The following PCGF3 variants were observed in gnomAD, a reference collection of about 807,000 sequenced individuals.
PCGF3 encodes the protein polycomb group ring finger 3, also known as polycomb group RING finger protein 3.
PCGF3 carries 7 observed loss-of-function variants against 33.1 expected under a neutral mutation model. That is an observed-to-expected ratio of 0.21 (90% confidence interval 0.12 to 0.40). PCGF3 has a LOEUF of 0.40. Ranked by LOEUF, PCGF3 falls within the 10% of genes least tolerant of loss-of-function variation. PCGF3 has a pLI of 1.00. For missense variants in PCGF3, 211 were observed against 313.3 expected (o/e 0.67, Z 2.46); for synonymous variants, 153 against 121.3 (o/e 1.26, Z -1.72).
intron 6 of PCGF3, among the ~76,000 whole-genome samples, chr4:741,747 T>G (rs1163782166): frequency 6.6e-6 from 1 of 152,120 alleles, no homozygotes; most frequent in Non-Finnish European, 1.5e-5. Flanking sequence ...TGACACTGAG[T>G]GCTGCTATTT....
Position 763,139 on chromosome 4 carries a change from CG to C in PCGF3, c.600+1729del, listed in dbSNP as rs756575176. 5.0e-4 allele frequency among the ~76,000 whole-genome samples: 76 copies of C among 151,460 alleles called. 1 individual carries two copies. In the South Asian group the frequency reaches 5.0e-3, roughly 10 times the overall value. On this transcript the variant is annotated intron_variant, in intron 9 of 10. Transcript: ENST00000362003. ...ATCATGGAGAAACCAAGTCAGGACA[CG>C]GGGGGAAGGGAGAGAAGGAAATGGG...
chr4:758,284 T>C (rs185262575), intron 8 of PCGF3, among the ~76,000 whole-genome samples: 3 of 151,538 alleles, frequency 2.0e-5, no homozygotes, highest in African/African-American at 7.3e-5. Flanking sequence ...GCTTCTCACT[T>C]CTTCCGCCAA....
At chr4:761,606 A>AG in intron 9 of PCGF3, 190 bp downstream of exon 9, 13 of 958,076 alleles carry the variant, frequency 1.4e-5, no homozygotes, top group Non-Finnish European at 1.6e-5. Flanking sequence ...GGATGCCCAG[A>AG]GACAGGGAAC....
At position 707,486 on chromosome 4, in the gene PCGF3, C is replaced by T. The variant is rs182090711; in HGVS notation, c.-190+1516C>T. Among the ~76,000 whole-genome samples, 102 of 144,408 alleles carry T rather than the reference C, an allele frequency of 7.1e-4. 4 individuals are homozygous for T. The East Asian group carries it at 0.018, about 26-fold the overall frequency. The allele number at this position is 144,408 out of a possible 152,430, so 94.7% of individuals were successfully genotyped here. On this transcript the variant is annotated intron_variant, in intron 1 of 10. Transcript: ENST00000362003. Reference sequence around the variant, plus strand: ...GACAGCCCTGTTTTCCCCTGGGGGCCGGGACCCTGGGACAGCCTGTTTTCA... The same window carrying T: ...GACAGCCCTGTTTTCCCCTGGGGGCTGGGACCCTGGGACAGCCTGTTTTCA...
intron 8 of PCGF3, among the ~76,000 whole-genome samples, chr4:752,156 C>T (rs1228704211): frequency 2.0e-5 from 3 of 152,228 alleles, no homozygotes; most frequent in African/African-American, 7.2e-5. Context: ...CCACACTTGA[C>T]CTTGGGAGTT....
Position 761,943 on chromosome 4 carries a change from G to A in PCGF3, c.600+527G>A, listed in dbSNP as rs1256425571. On this transcript the variant is annotated intron_variant, in intron 9 of 10. Transcript: ENST00000362003. ...GAGACAGAAGGCGCTGGCGGCTGTG[G>A]GCAGGAGCATGGGTCTGGTGTCGTT... 11 of 985,294 alleles carry A rather than the reference G, an allele frequency of 1.1e-5. No individual in the cohort carries two copies. The East Asian group carries it at 1.2e-3, about 112-fold the overall frequency. The allele number at this position is 985,294 out of a possible 1,614,324, so 61.0% of individuals were successfully genotyped here. A position where few individuals can be genotyped will look rare whatever the true frequency, so the allele number is the denominator to read the frequency against.
chr4:765,057 G>A, exon 10 of PCGF3: 1 of 1,608,878 alleles, frequency 6.2e-7, no homozygotes, highest in Non-Finnish European at 8.5e-7. Flanking sequence ...ACTAGGTGGA[G>A]ATTCAAGGTG....
chr4:735,239 C>T (rs563902549), intron 5 of PCGF3, among the ~76,000 whole-genome samples: 1 of 152,340 alleles, frequency 6.6e-6, no homozygotes, highest in East Asian at 1.9e-4. Context: ...TGTGCCTGCA[C>T]ATACATTTCC....
At chr4:750,757 G>A (rs2152603355) in intron 8 of PCGF3, among the ~76,000 whole-genome samples, 1 of 151,658 alleles carries the variant, frequency 6.6e-6, no homozygotes, top group South Asian at 2.1e-4. Context: ...TCGCGGTGTT[G>A]CTTAGGAGCC....
At chr4:764,725 C>T (rs1188146220) in intron 9 of PCGF3, 6 of 394,168 alleles carry the variant, frequency 1.5e-5, no homozygotes, top group East Asian at 9.5e-5. Context: ...CGTCATCCCC[C>T]TAACTGGCAC....
exon 11 of PCGF3, chr4:766,279 G>C (rs866945121): frequency 1.8e-6 from 1 of 561,480 alleles, no homozygotes; most frequent in Non-Finnish European, 3.2e-6. Context: ...ACACTTCACA[G>C]TCTCCCAGAG....
chr4:764,149 G>T (rs1375571653), intron 9 of PCGF3, among the ~76,000 whole-genome samples: 3 of 152,196 alleles, frequency 2.0e-5, no homozygotes, highest in African/African-American at 7.2e-5. Flanking sequence ...GGACTCGGTG[G>T]AGGTGATGTC....
chr4:769,090 C>T (rs1030601617), exon 11 of PCGF3: 1 of 152,678 alleles, frequency 6.5e-6, no homozygotes, highest in Non-Finnish European at 1.5e-5. Context: ...AGTGATGCCT[C>T]GGGCCACGCT....
Position 765,081 on chromosome 4 carries a change from G to T in PCGF3, c.681+17G>T, listed in dbSNP as rs763908908. On this transcript the variant is annotated intron_variant, in intron 10 of 10. Transcript: ENST00000362003. ...AGATTCAAGGTGAGACACGTGATTT[G>T]ATTTTCAGAGTCTGCTCTGAATGGC... 13 of 1,561,190 alleles carry T rather than the reference G, an allele frequency of 8.3e-6. No individual in the cohort carries two copies. In the East Asian group the frequency reaches 1.3e-4, roughly 16 times the overall value.
chr4:752,857 C>T (rs1024606882), intron 8 of PCGF3, among the ~76,000 whole-genome samples: 10 of 152,268 alleles, frequency 6.6e-5, no homozygotes, highest in Non-Finnish European at 1.0e-4. Flanking sequence ...ACTCGGCCTC[C>T]GCCCATCTTC....
intron 1 of PCGF3, among the ~76,000 whole-genome samples, chr4:724,792 C>T (rs777547284): frequency 1.3e-5 from 2 of 151,694 alleles, no homozygotes; most frequent in East Asian, 1.9e-4. Context: ...AGCGAGATTC[C>T]GTCTCACACA....
At chr4:756,662 C>T (rs1261590939) in intron 8 of PCGF3, among the ~76,000 whole-genome samples, 2 of 152,108 alleles carry the variant, frequency 1.3e-5, no homozygotes, top group Non-Finnish European at 1.5e-5. Flanking sequence ...TAACCATTTT[C>T]AGGTGTGTGG....
At chr4:753,214 T>G (rs1744603885) in intron 8 of PCGF3, among the ~76,000 whole-genome samples, 1 of 152,238 alleles carries the variant, frequency 6.6e-6, no homozygotes, top group African/African-American at 2.4e-5. Flanking sequence ...GACAGGATCT[T>G]ACTTTCTTGC....
chr4:733,486 C>T (rs867687111), intron 3 of PCGF3, among the ~76,000 whole-genome samples, 186 bp from the exon 4 acceptor site: 7 of 152,174 alleles, frequency 4.6e-5, no homozygotes, highest in African/African-American at 1.2e-4. Flanking sequence ...TCCCAGTGCA[C>T]GCAGACACTG....
Sources: gnomAD v4.1 joint callset for allele counts (sites outside exome capture counted in the v4.1 genomes callset) on GRCh38, gnomAD v4.1.1 for gene constraint, MANE v1.5 for transcripts, NCBI Gene and HGNC (gene_info 2026-07-23, HGNC 2026-07-21) for gene names.